The following ATXN1 variants were observed in gnomAD, a reference collection of about 807,000 sequenced individuals.
The protein encoded by ATXN1 is ataxin 1, also known as ataxin-1.
A neutral mutation model predicts 56.4 loss-of-function variants in ATXN1; 8 were observed. The ratio of observed to expected loss-of-function variants is 0.14; its 90% confidence interval spans 0.08 to 0.26. The LOEUF (loss-of-function observed/expected upper bound fraction) is 0.26, where lower values mean the gene tolerates loss of function less well. Among genes scored for constraint, ATXN1 ranks in the 10% least tolerant of loss-of-function variants. ATXN1 has a pLI of 1.00. For synonymous variants in ATXN1, 514 were observed against 494.6 expected, an observed-to-expected ratio of 1.04 and a Z score of -0.52; for missense variants, 987 against 1,106.5, an observed-to-expected ratio of 0.89 and a Z score of 1.53.
At chr6:16,616,587 TA>T (rs1466334616) in intron 3 of ATXN1, among the ~76,000 whole-genome samples, 2 of 145,060 alleles carry the variant, frequency 1.4e-5, no homozygotes, top group Non-Finnish European at 3.0e-5. Context: ...ATATATTTTA[TA>T]ATATATTATA....
chr6:16,635,954 T>TTCCG (rs756496950), intron 3 of ATXN1, among the ~76,000 whole-genome samples: 4 of 152,090 alleles, frequency 2.6e-5, no homozygotes, highest in Non-Finnish European at 5.9e-5. Flanking sequence ...GTTTTCAAGG[T>TTCCG]TCCGGTTTCC....
intron 6 of ATXN1, among the ~76,000 whole-genome samples, chr6:16,476,239 G>A (rs1297000406): frequency 6.6e-6 from 1 of 152,100 alleles, no homozygotes; most frequent in Non-Finnish European, 1.5e-5. Flanking sequence ...TTCTACTCTA[G>A]TATGCTTCCA....
chr6:16,342,965 T>C (rs1469597822), intron 6 of ATXN1, among the ~76,000 whole-genome samples: 1 of 152,220 alleles, frequency 6.6e-6, no homozygotes, highest in Non-Finnish European at 1.5e-5. Flanking sequence ...AACAAGAATG[T>C]GCCACTTAAC....
chr6:16,739,010 A>G (rs899406822), intron 2 of ATXN1: 3 of 152,112 alleles, frequency 2.0e-5, no homozygotes, highest in Admixed American at 1.3e-4. Flanking sequence ...CTTTTGTCCT[A>G]CATAACATTC....
At chr6:16,366,243 C>T (rs756830591) in intron 6 of ATXN1, among the ~76,000 whole-genome samples, 1 of 152,136 alleles carries the variant, frequency 6.6e-6, no homozygotes, top group Non-Finnish European at 1.5e-5. Context: ...ACCTTCCTGA[C>T]CACTTGTCCT....
chr6:16,731,048 G>A (rs1759964534), intron 2 of ATXN1, among the ~76,000 whole-genome samples: 3 of 152,180 alleles, frequency 2.0e-5, no homozygotes, highest in African/African-American at 4.8e-5. Context: ...TATCACAGGT[G>A]CCACTGGTTA....
chr6:16,306,859 C>T lies in ATXN1; in HGVS notation c.1918G>A (p.Val640Ile). ...TACTCTACCAAAACTTCAACGCTGA[C>T]CTGTGGAAACAGGGAGAGACAGAGA... ...QFAVGEHRAQ[V>I]SVEVLVEYPF... Residue 640 changes from valine (V) to isoleucine (I), a missense_variant and splice_region_variant, in exon 8 of 8, where the codon GTC becomes ATC. By Grantham distance (29) the Val-to-Ile change is conservative (BLOSUM62 3). This residue lies in a region of ATXN1 where 68 missense variants were observed against 118.1 expected (regional missense o/e 0.58). Coordinates refer to ENST00000436367, the MANE Select transcript of ATXN1 (RefSeq NM_001128164.2). This position sits in a 1 kb window ranked among gnomAD's most constrained non-coding sequence, Gnocchi z 5.2. 6.3e-7 allele frequency: 1 copy of T among 1,598,144 alleles called. No homozygotes were observed. Among genetic ancestry groups the T allele is most frequent in the Non-Finnish European group, 8.5e-7 (1 of 1,175,932 alleles).
chr6:16,725,539 T>C (rs1759830258), intron 2 of ATXN1, among the ~76,000 whole-genome samples: 2 of 152,180 alleles, frequency 1.3e-5, no homozygotes, highest in Admixed American at 1.3e-4. Flanking sequence ...AGTTTTTGAA[T>C]CAGAAACCGA....
Position 16,506,077 on chromosome 6 carries a change from C to A in ATXN1, c.-299+16550G>T, listed in dbSNP as rs1385908896. On this transcript the variant is annotated intron_variant, in intron 5 of 7. Coordinates refer to ENST00000436367, the MANE Select transcript of ATXN1 (RefSeq NM_001128164.2). The surrounding 1 kb of genome is among the most constrained non-coding windows in gnomAD (Gnocchi z 4.1). ...AGAGCATCATGGTTTTGGCAGGGAA[C>A]TCAGAAAATCTTGGCATCAGGGCTT... Among the ~76,000 whole-genome samples, 1 of 152,112 alleles carries A rather than the reference C, an allele frequency of 6.6e-6. No individual in the cohort carries two copies. The highest frequency in any genetic ancestry group is 1.5e-5 in the Non-Finnish European group (1 of 68,014).
intron 2 of ATXN1, among the ~76,000 whole-genome samples, chr6:16,725,659 T>C (rs1331407203): frequency 6.6e-6 from 1 of 152,214 alleles, no homozygotes; most frequent in Non-Finnish European, 1.5e-5. Context: ...TTGTGCATAT[T>C]TGGCCCAGTA....
intron 4 of ATXN1, 138 bp downstream of exon 4, chr6:16,585,642 G>A (rs1253798431): frequency 6.6e-6 from 1 of 152,146 alleles, no homozygotes; most frequent in Non-Finnish European, 1.5e-5. Context: ...AGGAAAAAAT[G>A]GAGTCTACAT....
At chr6:16,621,541 G>T (rs948934950) in intron 3 of ATXN1, among the ~76,000 whole-genome samples, 2 of 152,124 alleles carry the variant, frequency 1.3e-5, no homozygotes, top group Admixed American at 1.3e-4. Context: ...GGCCAACATG[G>T]AGAATGCCGT....
At chr6:16,424,282 G>A (rs184338222) in intron 6 of ATXN1, among the ~76,000 whole-genome samples, 63 of 152,328 alleles carry the variant, frequency 4.1e-4, no homozygotes, top group African/African-American at 1.5e-3. Flanking sequence ...AAGGACACAA[G>A]CCGGGTGTGT....
chr6:16,350,898 C>G (rs72840248), intron 6 of ATXN1, among the ~76,000 whole-genome samples: 6,244 of 152,182 alleles, frequency 0.041, 316 homozygotes, highest in African/African-American at 0.12. Flanking sequence ...GCCTGGGTAA[C>G]AAAGTGAGGC....
intron 6 of ATXN1, among the ~76,000 whole-genome samples, chr6:16,474,910 ATGT>A (rs1200550660): frequency 2.0e-5 from 3 of 152,150 alleles, no homozygotes; most frequent in Non-Finnish European, 4.4e-5. Flanking sequence ...AGATACAAGA[ATGT>A]AGATATCCAT....
intron 6 of ATXN1, among the ~76,000 whole-genome samples, chr6:16,449,111 C>T (rs529449075): frequency 6.6e-6 from 1 of 151,966 alleles, no homozygotes; most frequent in South Asian, 2.1e-4. Context: ...TCCTGTTTCT[C>T]AGGTAGAAAG....
intron 4 of ATXN1, among the ~76,000 whole-genome samples, chr6:16,547,940 A>T (rs1761844783): frequency 6.6e-6 from 1 of 152,160 alleles, no homozygotes; most frequent in Non-Finnish European, 1.5e-5. Context: ...TTTAACACAG[A>T]TACCTCCTCA....
At chr6:16,476,270 C>T (rs1247024281) in intron 6 of ATXN1, among the ~76,000 whole-genome samples, 1 of 152,098 alleles carries the variant, frequency 6.6e-6, no homozygotes, top group African/African-American at 2.4e-5. Context: ...GTGTATCTAG[C>T]TAGGTTGTGA....
chr6:16,336,590 C>T (rs72840241), intron 6 of ATXN1, among the ~76,000 whole-genome samples: 3,054 of 152,232 alleles, frequency 0.02, 52 homozygotes, highest in African/African-American at 0.051. Flanking sequence ...ACAGGTCGGA[C>T]GTGAGGAACT....
Sources: allele counts gnomAD v4.1 joint callset (sites outside exome capture counted in the v4.1 genomes callset), GRCh38; gene constraint gnomAD v4.1.1; regional missense constraint gnomAD v4.1.1; non-coding constraint Gnocchi (gnomAD v3.1); transcripts MANE v1.5; gene names NCBI Gene and HGNC (gene_info 2026-07-23, HGNC 2026-07-21).